The following COA1 variants were observed in gnomAD, a reference collection of about 807,000 sequenced individuals.
The protein encoded by COA1 is cytochrome c oxidase assembly factor 1.
In COA1, 13 loss-of-function variants were observed where a neutral mutation model predicts 16.0. The observed-to-expected ratio is 0.81, with a 90% CI of 0.53 to 1.29. The LOEUF (loss-of-function observed/expected upper bound fraction) is 1.29, where lower values mean the gene tolerates loss of function less well. Ranked by LOEUF, COA1 falls within the 50% of genes most tolerant of loss-of-function variation. COA1 has a pLI of 0.00. For missense variants in COA1, 179 were observed against 177.0 expected, an observed-to-expected ratio of 1.01 and a Z score of -0.06; for synonymous variants, 65 against 65.7, an observed-to-expected ratio of 0.99 and a Z score of 0.05.
rs370108674 is a variant in COA1 at position 43,708,367 on chromosome 7, G to A, written c.-39+21062C>T. Reference sequence around the variant, plus strand: ...GCCCAACTGCTCAGGAGGCTAAAGTGAGAGGATTGCTTGAGCCTGGGAGGT... The same window carrying A: ...GCCCAACTGCTCAGGAGGCTAAAGTAAGAGGATTGCTTGAGCCTGGGAGGT... On this transcript the variant is annotated intron_variant, in intron 1 of 5. Coordinates refer to ENST00000223336, the MANE Select transcript of COA1 (RefSeq NM_018224.4). Among the ~76,000 whole-genome samples the A allele has an allele frequency of 3.4e-3, 520 of 151,962 alleles. 3 individuals carry two copies. Among genetic ancestry groups the A allele is most frequent in the South Asian group, 0.012 (59 of 4,822 alleles).
At chr7:43,718,894 A>G (rs1008448712) in intron 1 of COA1, among the ~76,000 whole-genome samples, 2 of 151,676 alleles carry the variant, frequency 1.3e-5, no homozygotes, top group Non-Finnish European at 2.9e-5. Context: ...TTCCATGTCC[A>G]TTGGGTTTTT....
At chr7:43,681,068 C>T (rs898645883) in intron 1 of COA1, among the ~76,000 whole-genome samples, 31 of 152,152 alleles carry the variant, frequency 2.0e-4, no homozygotes, top group Admixed American at 9.2e-4. Context: ...GGAACTTATT[C>T]ATCAGTATGG....
chr7:43,680,851 G>C (rs2093736252), intron 1 of COA1, among the ~76,000 whole-genome samples: 1 of 152,070 alleles, frequency 6.6e-6, no homozygotes, highest in Non-Finnish European at 1.5e-5. Context: ...TGTGCCTGTA[G>C]TTGCAGCTAC....
intron 6 of COA1, chr7:43,626,619 G>C (rs1199032827): frequency 6.6e-6 from 1 of 152,092 alleles, no homozygotes; most frequent in Non-Finnish European, 1.5e-5. Flanking sequence ...CACAGTATTA[G>C]GCAAATATTT....
intron 4 of COA1, among the ~76,000 whole-genome samples, chr7:43,643,140 G>A (rs1377618775): frequency 6.6e-6 from 1 of 152,156 alleles, no homozygotes; most frequent in African/African-American, 2.4e-5. Context: ...CAGGGATGTG[G>A]GGAAGCCCAG....
chr7:43,683,988 G>A (rs1264341386), intron 1 of COA1, among the ~76,000 whole-genome samples: 1 of 152,152 alleles, frequency 6.6e-6, no homozygotes, highest in African/African-American at 2.4e-5. Context: ...TGACTCAATG[G>A]GACCGGAATC....
At chr7:43,704,685 T>G (rs1157052120) in intron 1 of COA1, among the ~76,000 whole-genome samples, 1 of 152,180 alleles carries the variant, frequency 6.6e-6, no homozygotes, top group Non-Finnish European at 1.5e-5. Flanking sequence ...TTTCTTAAAA[T>G]GGCTTTGTGG....
At chr7:43,669,215 G>A (rs545953880) in intron 1 of COA1, among the ~76,000 whole-genome samples, 1 of 152,314 alleles carries the variant, frequency 6.6e-6, no homozygotes, top group South Asian at 2.1e-4. Context: ...ATGGGGGGAT[G>A]TTATAGGAGT....
intron 1 of COA1, among the ~76,000 whole-genome samples, chr7:43,713,554 T>A (rs1256545025): frequency 1.3e-5 from 2 of 152,220 alleles, no homozygotes; most frequent in South Asian, 2.1e-4. Context: ...TTTTTATTCA[T>A]CTTCATCTCA....
intron 1 of COA1, among the ~76,000 whole-genome samples, chr7:43,704,367 G>T (rs1295138489): frequency 6.6e-6 from 1 of 152,140 alleles, no homozygotes; most frequent in Non-Finnish European, 1.5e-5. Context: ...TCCCTCTATA[G>T]CAAGGTTGGG....
At chr7:43,666,528 T>A (rs1278769220) in intron 1 of COA1, among the ~76,000 whole-genome samples, 1 of 152,242 alleles carries the variant, frequency 6.6e-6, no homozygotes, top group Non-Finnish European at 1.5e-5. Context: ...GAGCTCTAAT[T>A]GGCTTAAAGA....
chr7:43,670,911 A>T (rs2093220023), intron 1 of COA1, among the ~76,000 whole-genome samples: 1 of 152,194 alleles, frequency 6.6e-6, no homozygotes, highest in Admixed American at 6.5e-5. Context: ...ATTATCAGTA[A>T]ATTTATTAAA....
intron 1 of COA1, among the ~76,000 whole-genome samples, chr7:43,691,053 A>AC: frequency 2.1e-5 from 2 of 94,844 alleles, no homozygotes; most frequent in South Asian, 8.7e-4. Context: ...CCTCATCACT[A>AC]CAAAAAAAAA....
chr7:43,717,035 A>C (rs71540544), intron 1 of COA1, among the ~76,000 whole-genome samples: 1 of 152,220 alleles, frequency 6.6e-6, no homozygotes, highest in Non-Finnish European at 1.5e-5. Context: ...AAATGTATGG[A>C]AGCCCAGGCA....
In COA1 at chr7:43,656,548, T is replaced by C. The variant is rs573107794; in HGVS notation, c.-38-7896A>G. The stretch of plus-strand genomic sequence containing the variant: ...CTGTCTCTACTAAAAATATAAAAAT[T>C]GGCTGGGCATGGTGGCGCAGCCCTA... On this transcript the variant is annotated intron_variant, in intron 1 of 5. Transcript: ENST00000223336. 1.2e-4 allele frequency among the ~76,000 whole-genome samples: 18 copies of C among 152,010 alleles called. No individual in the cohort carries two copies. In the East Asian group the frequency reaches 3.1e-3, roughly 26 times the overall value.
At chr7:43,699,581 G>A (rs1239917631) in intron 1 of COA1, among the ~76,000 whole-genome samples, 1 of 152,142 alleles carries the variant, frequency 6.6e-6, no homozygotes, top group African/African-American at 2.4e-5. Flanking sequence ...CTGTCACGCA[G>A]ACATGAGAAG....
intron 6 of COA1, among the ~76,000 whole-genome samples, chr7:43,612,015 T>C (rs2082922921): frequency 1.3e-5 from 2 of 152,358 alleles, no homozygotes; most frequent in South Asian, 4.1e-4. Flanking sequence ...ATACCAACTT[T>C]AAGTGTGTAT....
At chr7:43,691,482 TATC>T (rs1187626206) in intron 1 of COA1, among the ~76,000 whole-genome samples, 1 of 131,014 alleles carries the variant, frequency 7.6e-6, no homozygotes, top group Non-Finnish European at 1.7e-5. Flanking sequence ...AGAAAGAAAT[TATC>T]ATCAATATAA....
At chr7:43,677,597 G>A (rs568411978) in intron 1 of COA1, among the ~76,000 whole-genome samples, 9 of 152,066 alleles carry the variant, frequency 5.9e-5, no homozygotes, top group African/African-American at 2.2e-4. Context: ...TCAGGAGTTC[G>A]AAATCAGCCT....
Sources: gnomAD v4.1 joint callset for allele counts (sites outside exome capture counted in the v4.1 genomes callset) on GRCh38, gnomAD v4.1.1 for gene constraint, MANE v1.5 for transcripts, NCBI Gene and HGNC (gene_info 2026-07-23, HGNC 2026-07-21) for gene names.